Variants in VPS13C observed in about 807,000 individuals in gnomAD.
VPS13C encodes the protein intermembrane lipid transfer protein VPS13C.
A neutral mutation model predicts 456.8 loss-of-function variants in VPS13C; 358 were observed. That is an observed-to-expected ratio of 0.78 (90% CI 0.72 to 0.86). The LOEUF (loss-of-function observed/expected upper bound fraction) is 0.86. Among genes scored for constraint, VPS13C ranks in the 40% least tolerant of loss-of-function variants. The pLI is 0.00. For missense variants in VPS13C, 4,818 were observed against 4,385.4 expected (o/e 1.10, Z -2.79); for synonymous variants, 1,578 against 1,486.7 (o/e 1.06, Z -1.41).
rs1309573736 is a variant in VPS13C at position 61,917,386 on chromosome 15, G to T, written c.8010C>A (p.Leu2670=). ...VAYIIHLYPS[L]TLRNLLPYSL... ...AATATGGGAGAAGATTCCGCAAAGT[G>T]AGAGAAGGATAAAGATGAATAATGT... Residue 2670 remains leucine, a synonymous_variant, in exon 60 of 85, where the codon CTC becomes CTA. Transcript: ENST00000644861. 5 of 1,613,822 alleles carry T rather than the reference G, an allele frequency of 3.1e-6. No individual in the cohort carries two copies. Among genetic ancestry groups the T allele is most frequent in the Non-Finnish European group, 4.2e-6 (5 of 1,179,872 alleles).
At chr15:62,006,012 A>G (rs545166542) in intron 15 of VPS13C, among the ~76,000 whole-genome samples, 3 of 151,610 alleles carry the variant, frequency 2.0e-5, no homozygotes, top group Non-Finnish European at 4.4e-5. Context: ...CCGTGTTTCT[A>G]CCTTTTAAAA....
intron 4 of VPS13C, 30 bp from the exon 5 acceptor site, chr15:62,033,572 A>G (rs750513618): frequency 9.0e-6 from 13 of 1,444,328 alleles, no homozygotes; most frequent in Admixed American, 2.0e-5. Context: ...TCACACAAAA[A>G]TAAATGGAAT....
At chr15:61,873,979 A>G (rs1052002045) in intron 77 of VPS13C, among the ~76,000 whole-genome samples, 3 of 132,952 alleles carry the variant, frequency 2.3e-5, no homozygotes, top group African/African-American at 8.1e-5. Context: ...CACACACACA[A>G]ACAGAATACT....
chr15:62,052,499 G>A (rs975998691), intron 1 of VPS13C, among the ~76,000 whole-genome samples: 9 of 151,580 alleles, frequency 5.9e-5, no homozygotes, highest in Admixed American at 4.6e-4. Flanking sequence ...GTGAAACCCC[G>A]TCTCTACTAA....
intron 66 of VPS13C, among the ~76,000 whole-genome samples, chr15:61,891,697 T>G (rs1313415115): frequency 3.9e-5 from 6 of 152,242 alleles, no homozygotes; most frequent in Non-Finnish European, 8.8e-5. Context: ...TGGCTATCAC[T>G]CCTTCTGTGT....
In VPS13C at chr15:61,858,894, A is replaced by G. The variant is rs569368643; in HGVS notation, c.10953-2485T>C. 2.4e-4 allele frequency among the ~76,000 whole-genome samples: 36 copies of G among 152,296 alleles called. No homozygotes were observed. Among genetic ancestry groups the G allele is most frequent in the Non-Finnish European group, 4.0e-4 (27 of 68,012 alleles). The stretch of plus-strand genomic sequence containing the variant: ...GCAATACAAAATGTATACAGTCTCT[A>G]ACTGGTCTCCTTGCCTCTGGACTGA... On this transcript the variant is annotated intron_variant, in intron 82 of 84. Transcript: ENST00000644861. The surrounding 1 kb of genome is among the most constrained non-coding windows in gnomAD (Gnocchi z 4.4).
chr15:61,925,196 C>A (rs2043807340), intron 53 of VPS13C, among the ~76,000 whole-genome samples: 1 of 151,906 alleles, frequency 6.6e-6, no homozygotes, highest in Non-Finnish European at 1.5e-5. Context: ...ACCCCCACAA[C>A]ACACGCATGC....
intron 64 of VPS13C, 77 bp downstream of exon 64, chr15:61,910,100 C>T: frequency 1.1e-6 from 1 of 889,742 alleles, no homozygotes; most frequent in African/African-American, 1.8e-5. Context: ...ACGTTCTGCA[C>T]ATGTACCCTA....
At chr15:61,905,349 G>T (rs1021680675) in intron 66 of VPS13C, among the ~76,000 whole-genome samples, 3 of 151,926 alleles carry the variant, frequency 2.0e-5, no homozygotes, top group Admixed American at 2.0e-4. Flanking sequence ...TATCTTCATG[G>T]TTATAATTTT....
intron 1 of VPS13C, 139 bp from the exon 2 acceptor site, chr15:62,044,394 C>T (rs1235295567): frequency 8.9e-5 from 45 of 505,362 alleles, no homozygotes; most frequent in South Asian, 8.5e-4. Context: ...AAGAGGCTAC[C>T]CGGCACAAAA....
At position 62,044,209 on chromosome 15, in the gene VPS13C, T is replaced by C. The variant is rs749653471; in HGVS notation, c.144+3A>G. On this transcript the variant is annotated splice_donor_region_variant and intron_variant, in intron 2 of 84. Coordinates refer to ENST00000644861, the MANE Select transcript of VPS13C (RefSeq NM_020821.3). ...TTATTAGCATAGTTTAAAAAAAACT[T>C]ACCAGGGCATTTTCTTTTATCTGTA... 3 of 1,483,548 alleles carry C rather than the reference T, an allele frequency of 2.0e-6. No homozygotes were observed. Among genetic ancestry groups the C allele is most frequent in the Non-Finnish European group, 2.8e-6 (3 of 1,081,596 alleles). 91.9% of individuals were successfully genotyped at this position (1,483,548 alleles called of 1,614,324 possible). A position where few individuals can be genotyped will look rare whatever the true frequency, so the allele number is the denominator to read the frequency against.
At chr15:61,948,747 A>C (rs113870661) in intron 42 of VPS13C, among the ~76,000 whole-genome samples, 1 of 152,152 alleles carries the variant, frequency 6.6e-6, no homozygotes, top group South Asian at 2.1e-4. Context: ...TTTTACACCA[A>C]ACATGCCAGT....
At chr15:61,936,529 A>C in intron 48 of VPS13C, 68 bp downstream of exon 48, 1 of 1,428,056 alleles carries the variant, frequency 7.0e-7, no homozygotes, top group South Asian at 1.6e-5. Context: ...CAGCTAGAAA[A>C]ATACTAAATA....
chr15:61,893,217 A>G (rs1368849437), intron 66 of VPS13C, among the ~76,000 whole-genome samples: 1 of 152,172 alleles, frequency 6.6e-6, no homozygotes, highest in East Asian at 1.9e-4. Context: ...CAAAGAGAGG[A>G]CCCTAAAAGT....
At chr15:61,987,512 A>G (rs1312832167) in intron 18 of VPS13C, among the ~76,000 whole-genome samples, 1 of 152,150 alleles carries the variant, frequency 6.6e-6, no homozygotes. Context: ...CACTATCACG[A>G]CAACAGTATC....
At chr15:61,865,341 G>C in intron 81 of VPS13C, 1 of 978,234 alleles carries the variant, frequency 1.0e-6, no homozygotes, top group Non-Finnish European at 1.2e-6. Flanking sequence ...ATTAAGACGA[G>C]ATAAAAACAC....
chr15:61,969,382 C>T lies in VPS13C; in HGVS notation c.2828G>A (p.Gly943Glu). The T allele has an allele frequency of 6.3e-7, 1 of 1,597,620 alleles. No homozygotes were observed. Among genetic ancestry groups the T allele is most frequent in the East Asian group, 2.3e-5 (1 of 44,390 alleles). Reference protein sequence around the residue: ...TILVFNVTQLGTEATMRTFDL... With the variant: ...TILVFNVTQLETEATMRTFDL... ...AAATGTTCTCATTGTGGCCTCTGTT[C>T]CTAACTGAGTAACATTAAATACTAG... The change falls in exon 28 of 85, where the codon GGA becomes GAA. Residue 943 changes from glycine (G) to glutamate (E), a missense_variant. By Grantham distance (98) the Gly-to-Glu change is moderately conservative (BLOSUM62 -2). Transcript: ENST00000644861.
chr15:61,988,444 G>T (rs757580134), intron 18 of VPS13C, among the ~76,000 whole-genome samples: 1 of 152,110 alleles, frequency 6.6e-6, no homozygotes, highest in Non-Finnish European at 1.5e-5. Context: ...TTAGAGGAAT[G>T]AAAAAGAGGT....
rs1232009944 is a variant in VPS13C, at chr15:62,034,208, T to C, written c.284-666A>G. Among the ~76,000 whole-genome samples, 5 of 151,750 alleles carry C rather than the reference T, an allele frequency of 3.3e-5. No individual in the cohort carries two copies. The East Asian group carries it at 9.7e-4, about 29-fold the overall frequency. ...CCTTTCAAAACTGTCACTGTCACTG[T>C]GAAAACTGTGAAACCTATCAAAAAT... On this transcript the variant is annotated intron_variant, in intron 4 of 84. Transcript: ENST00000644861.
Sources: gnomAD v4.1 joint callset for allele counts (sites outside exome capture counted in the v4.1 genomes callset) on GRCh38, gnomAD v4.1.1 for gene constraint, Gnocchi (gnomAD v3.1) non-coding constraint, MANE v1.5 for transcripts, NCBI Gene and HGNC (gene_info 2026-07-23, HGNC 2026-07-21) for gene names.